DMD: variants seen among roughly 807,000 people sequenced by gnomAD.
The protein encoded by DMD is dystrophin.
In DMD, 63 loss-of-function variants were observed where a neutral mutation model predicts 330.1. That is an observed-to-expected ratio of 0.19 (90% confidence interval 0.16 to 0.24). DMD has a LOEUF of 0.24. Among genes scored for constraint, DMD ranks in the 10% least tolerant of loss-of-function variants. The probability of loss-of-function intolerance (pLI) is 1.00; values close to 1 mark genes in which losing one functional copy is unlikely to be tolerated. For synonymous variants in DMD, 1,223 were observed against 959.8 expected, an observed-to-expected ratio of 1.27 and a Z score of -5.07; for missense variants, 3,344 against 2,684.1, an observed-to-expected ratio of 1.25 and a Z score of -5.43.
chrX:32,661,016 G>A (rs965253290), intron 9 of DMD, among the ~76,000 whole-genome samples: 2 of 111,025 alleles, frequency 1.8e-5, no homozygotes, highest in East Asian at 2.8e-4. Context: ...ATCCTATTAA[G>A]GATCTCTGAT....
chrX:32,196,999 A>AC (rs1569550303), intron 44 of DMD, among the ~76,000 whole-genome samples: 2 of 103,751 alleles, frequency 1.9e-5, no homozygotes, highest in African/African-American at 7.1e-5. Flanking sequence ...AAAAAAAAAA[A>AC]AAAAAACAAA....
chrX:32,141,590 C>CAAA (rs2096753627), intron 44 of DMD, among the ~76,000 whole-genome samples: 1 of 110,408 alleles, frequency 9.1e-6, no homozygotes, highest in African/African-American at 3.3e-5. Context: ...TCTGTGCCTC[C>CAAA]TAAAACATCT....
chrX:31,650,024 T>C (rs1207537347), intron 54 of DMD, among the ~76,000 whole-genome samples: 2 of 109,938 alleles, frequency 1.8e-5, no homozygotes, highest in African/African-American at 6.6e-5. Flanking sequence ...GGCATGATCA[T>C]AGCTCACTGC....
At chrX:33,244,411 A>G (rs756031699) in intron 1 of DMD, among the ~76,000 whole-genome samples, 1 of 112,103 alleles carries the variant, frequency 8.9e-6, no homozygotes, top group Non-Finnish European at 1.9e-5. Flanking sequence ...ATGGATATCT[A>G]TACCAGTTTG....
chrX:33,217,819 T>G (rs184741697), intron 1 of DMD, among the ~76,000 whole-genome samples: 1 of 111,434 alleles, frequency 9.0e-6, no homozygotes, highest in African/African-American at 3.2e-5. Flanking sequence ...AAACTCATCA[T>G]TTCTAAGAGT....
chrX:32,089,813 T>C (rs183790903), intron 44 of DMD, among the ~76,000 whole-genome samples: 2 of 112,149 alleles, frequency 1.8e-5, no homozygotes, highest in Admixed American at 9.5e-5. Flanking sequence ...TGCCCAATAA[T>C]GGGATTGCTG....
chrX:32,260,046 TTAGTA>T (rs1257164269), intron 43 of DMD, among the ~76,000 whole-genome samples: 76 of 111,147 alleles, frequency 6.8e-4, no homozygotes, highest in Non-Finnish European at 1.3e-3. Context: ...GTGAAGAAAA[TTAGTA>T]CTCTTTGGAT....
intron 43 of DMD, among the ~76,000 whole-genome samples, chrX:32,244,229 C>T (rs949085755): frequency 1.2e-4 from 13 of 105,560 alleles, no homozygotes; most frequent in African/African-American, 1.7e-4. Flanking sequence ...TTTGTTCTTG[C>T]GATAGTTTAC....
At chrX:32,724,463 T>C (rs970179501) in intron 7 of DMD, among the ~76,000 whole-genome samples, 1 of 111,909 alleles carries the variant, frequency 8.9e-6, no homozygotes, top group African/African-American at 3.2e-5. Flanking sequence ...GTATTTTGTC[T>C]AGGCCCTTAC....
At chrX:32,743,267 G>T (rs972977316) in intron 7 of DMD, among the ~76,000 whole-genome samples, 3 of 111,079 alleles carry the variant, frequency 2.7e-5, no homozygotes, top group African/African-American at 9.8e-5. Context: ...TTTTCTTCAA[G>T]TCCCCAGTCA....
intron 44 of DMD, among the ~76,000 whole-genome samples, chrX:32,131,757 G>A (rs1007543345): frequency 2.7e-5 from 3 of 111,923 alleles, no homozygotes; most frequent in Non-Finnish European, 5.6e-5. Context: ...TAGGTATTAC[G>A]TATTCAGTGG....
chrX:31,979,108 G>A, intron 44 of DMD, among the ~76,000 whole-genome samples: 1 of 112,010 alleles, frequency 8.9e-6, no homozygotes, highest in South Asian at 3.7e-4. Context: ...AAGTTTGAGT[G>A]CAGTGGTACA....
intron 63 of DMD, among the ~76,000 whole-genome samples, chrX:31,239,024 T>G (rs1377192924): frequency 8.9e-6 from 1 of 112,376 alleles, no homozygotes; most frequent in African/African-American, 3.2e-5. Flanking sequence ...TTTGCTCCCA[T>G]AGAAACATAC....
chrX:32,233,125 T>C (rs2097174525), intron 43 of DMD, among the ~76,000 whole-genome samples: 1 of 112,207 alleles, frequency 8.9e-6, no homozygotes, highest in Admixed American at 9.5e-5. Flanking sequence ...AAAAAGATAC[T>C]ATCTCTATCA....
intron 2 of DMD, among the ~76,000 whole-genome samples, chrX:32,892,033 G>A (rs907283745): frequency 8.9e-6 from 1 of 111,841 alleles, no homozygotes; most frequent in Admixed American, 9.5e-5. Context: ...TGTGTTAGCT[G>A]ACAACTTGGA....
At chrX:33,127,622 C>T (rs2095472953) in intron 1 of DMD, among the ~76,000 whole-genome samples, 1 of 110,263 alleles carries the variant, frequency 9.1e-6, no homozygotes, top group African/African-American at 3.3e-5. Flanking sequence ...TATATATATA[C>T]ACATACACAT....
At chrX:32,178,830 GGTGTGTGTGTGT>G (rs60773717) in intron 44 of DMD, among the ~76,000 whole-genome samples, 2 of 99,174 alleles carry the variant, frequency 2.0e-5, no homozygotes. Context: ...TATTCCAGGG[GGTGTGTGTGTGT>G]GTGTGTGTGT....
chrX:32,723,131 A>G (rs1050877508), intron 7 of DMD, among the ~76,000 whole-genome samples: 3 of 111,550 alleles, frequency 2.7e-5, no homozygotes, highest in African/African-American at 9.8e-5. Context: ...GCGAAGAGTT[A>G]TAATAATAAA....
At chrX:32,809,109 A>G (rs1044151411) in intron 7 of DMD, among the ~76,000 whole-genome samples, 2 of 111,896 alleles carry the variant, frequency 1.8e-5, no homozygotes, top group African/African-American at 6.5e-5. Flanking sequence ...GAGTATATGA[A>G]TGAAATTGGC....
Sources: gnomAD v4.1 joint callset for allele counts (sites outside exome capture counted in the v4.1 genomes callset) on GRCh38, gnomAD v4.1.1 for gene constraint, MANE v1.5 for transcripts, NCBI Gene and HGNC (gene_info 2026-07-23, HGNC 2026-07-21) for gene names.